The following NALF1 variants were observed in gnomAD, a reference collection of about 807,000 sequenced individuals.
NALF1 encodes NALCN channel auxiliary factor 1.
Under a neutral mutation model 48.4 loss-of-function variants are expected in NALF1, and 3 were observed. The observed-to-expected ratio is 0.06, with a 90% CI of 0.03 to 0.16. The LOEUF (loss-of-function observed/expected upper bound fraction) is 0.16, where lower values mean the gene tolerates loss of function less well. NALF1 is among the 10% of genes least tolerant of loss of function. NALF1 has a pLI of 1.00. For missense variants in NALF1, 526 were observed against 571.5 expected (o/e 0.92, Z 0.81); for synonymous variants, 262 against 245.7 (o/e 1.07, Z -0.62).
intron 1 of NALF1, among the ~76,000 whole-genome samples, chr13:107,807,304 T>A (rs2138602804): frequency 6.6e-6 from 1 of 152,334 alleles, no homozygotes; most frequent in South Asian, 2.1e-4. Flanking sequence ...CTGTCATGCA[T>A]TTTTGTATAA....
At chr13:107,706,870 A>G (rs1207308468) in intron 1 of NALF1, among the ~76,000 whole-genome samples, 1 of 152,012 alleles carries the variant, frequency 6.6e-6, no homozygotes, top group Non-Finnish European at 1.5e-5. Flanking sequence ...ATTGTTGAAA[A>G]CATATGGGGA....
At chr13:107,801,167 T>C (rs1878601093) in intron 1 of NALF1, among the ~76,000 whole-genome samples, 1 of 152,218 alleles carries the variant, frequency 6.6e-6, no homozygotes, top group South Asian at 2.1e-4. Flanking sequence ...AAGATGTTTG[T>C]TAGGGAAGTA....
intron 1 of NALF1, among the ~76,000 whole-genome samples, chr13:107,745,896 G>A (rs1454901302): frequency 1.3e-5 from 2 of 152,118 alleles, no homozygotes; most frequent in African/African-American, 4.8e-5. Flanking sequence ...TCAGCATTAA[G>A]ACAACTCATT....
intron 1 of NALF1, among the ~76,000 whole-genome samples, chr13:107,726,913 T>TTTTGTG (rs765487919): frequency 4.7e-5 from 6 of 126,400 alleles, no homozygotes; most frequent in Non-Finnish European, 8.1e-5. Flanking sequence ...CGGCAAATTC[T>TTTTGTG]TGTGTGTGTG....
Position 107,644,657 on chromosome 13 carries a change from A to ATATATATATATATATATATATG in NALF1, c.915+221024_915+221025insCATATATATATATATATATATA, listed in dbSNP as rs879682183. 1.4e-3 allele frequency among the ~76,000 whole-genome samples: 198 copies of ATATATATATATATATATATATG among 137,730 alleles called. No individual in the cohort carries two copies. The East Asian group carries it at 0.015, about 10-fold the overall frequency. 90.4% of individuals were successfully genotyped at this position (137,730 alleles called of 152,430 possible). ...TACATACATACATACATATATATAT[A>ATATATATATATATATATATATG]TATATATATGCTTTCACTTAAGTTG... is the stretch of plus-strand genomic sequence containing the variant. On this transcript the variant is annotated intron_variant, in intron 1 of 2. Coordinates refer to ENST00000375915, the MANE Select transcript of NALF1 (RefSeq NM_001080396.3).
chr13:107,333,288 T>A (rs1270577591), intron 1 of NALF1, among the ~76,000 whole-genome samples: 3 of 152,126 alleles, frequency 2.0e-5, no homozygotes, highest in Non-Finnish European at 4.4e-5. Flanking sequence ...GTAAGCCACA[T>A]CACAGAATTC....
chr13:107,217,106 T>C (rs1879889481), intron 1 of NALF1, among the ~76,000 whole-genome samples: 1 of 152,202 alleles, frequency 6.6e-6, no homozygotes, highest in Non-Finnish European at 1.5e-5. Flanking sequence ...TAACAGTCAA[T>C]ATCTTCCTTG....
intron 1 of NALF1, among the ~76,000 whole-genome samples, chr13:107,282,701 T>C (rs7988532): frequency 6.6e-6 from 1 of 152,188 alleles, no homozygotes; most frequent in East Asian, 1.9e-4. Flanking sequence ...CTGCGGCCTC[T>C]TGCCAACAGC....
chr13:107,492,231 G>A (rs1489434055), intron 1 of NALF1, among the ~76,000 whole-genome samples: 1 of 151,696 alleles, frequency 6.6e-6, no homozygotes, highest in African/African-American at 2.4e-5. Flanking sequence ...TGTATATTTA[G>A]TAGAGATGGG....
At chr13:107,279,644 T>C (rs765335744) in intron 1 of NALF1, among the ~76,000 whole-genome samples, 1 of 152,152 alleles carries the variant, frequency 6.6e-6, no homozygotes, top group African/African-American at 2.4e-5. Flanking sequence ...ATGTCCTATC[T>C]CTCTGTCTTC....
chr13:107,613,735 A>C (rs781674480), intron 1 of NALF1, among the ~76,000 whole-genome samples: 7 of 152,234 alleles, frequency 4.6e-5, no homozygotes, highest in Non-Finnish European at 8.8e-5. Flanking sequence ...CGCTTAGCAC[A>C]AAGTAACTAT....
chr13:107,689,347 A>G (rs959186258), intron 1 of NALF1, among the ~76,000 whole-genome samples: 2 of 152,096 alleles, frequency 1.3e-5, no homozygotes, highest in African/African-American at 2.4e-5. Context: ...CAGTTTTTAA[A>G]TAATTGATAT....
intron 1 of NALF1, among the ~76,000 whole-genome samples, chr13:107,793,217 G>A (rs1485096572): frequency 6.6e-6 from 1 of 152,156 alleles, no homozygotes; most frequent in Non-Finnish European, 1.5e-5. Context: ...ATTTCAACAG[G>A]ATAGCAGGGC....
At chr13:107,182,253 C>CGT (rs71204818) in intron 2 of NALF1, among the ~76,000 whole-genome samples, 4,990 of 143,806 alleles carry the variant, frequency 0.035, 251 homozygotes, top group African/African-American at 0.12. Context: ...TGTGTGTGTC[C>CGT]GTGTGTGTGT....
At chr13:107,639,379 C>CA (rs943384702) in intron 1 of NALF1, among the ~76,000 whole-genome samples, 8 of 152,134 alleles carry the variant, frequency 5.3e-5, no homozygotes, top group Non-Finnish European at 1.0e-4. Flanking sequence ...CCAAAAAAAA[C>CA]ACGATAGTTC....
intron 1 of NALF1, among the ~76,000 whole-genome samples, chr13:107,425,733 G>T (rs1341535637): frequency 6.6e-6 from 1 of 151,994 alleles, no homozygotes; most frequent in Non-Finnish European, 1.5e-5. Flanking sequence ...GAATATCTGG[G>T]TACTATGATA....
At chr13:107,651,396 T>C (rs1277721030) in intron 1 of NALF1, among the ~76,000 whole-genome samples, 2 of 152,238 alleles carry the variant, frequency 1.3e-5, no homozygotes, top group African/African-American at 4.8e-5. Context: ...GTTACCTTAT[T>C]TGAATAAATA....
Position 107,165,488 on chromosome 13 carries a change from A to G in NALF1, c.*5009T>C, listed in dbSNP as rs1290414836. On this transcript the variant is annotated 3_prime_UTR_variant, in exon 3 of 3. Transcript: ENST00000375915. ...ACCAGGTGATTTTCTTCTGAGTTTAATCTGAATGTCTTGTCTGTGGTAAAC... is the reference window on the plus strand; with the variant it reads ...ACCAGGTGATTTTCTTCTGAGTTTAGTCTGAATGTCTTGTCTGTGGTAAAC... 1.3e-5 allele frequency: 2 copies of G among 152,342 alleles called. No individual in the cohort carries two copies. Among genetic ancestry groups the G allele is most frequent in the East Asian group, 3.9e-4 (2 of 5,184 alleles). 9.4% of individuals were successfully genotyped at this position (152,342 alleles called of 1,614,324 possible).
chr13:107,552,911 G>C (rs1027026295), intron 1 of NALF1, among the ~76,000 whole-genome samples: 2 of 151,854 alleles, frequency 1.3e-5, no homozygotes, highest in Non-Finnish European at 2.9e-5. Flanking sequence ...ATTAAATAGA[G>C]CTTAAATGTA....
Sources: allele counts gnomAD v4.1 joint callset (sites outside exome capture counted in the v4.1 genomes callset), GRCh38; gene constraint gnomAD v4.1.1; transcripts MANE v1.5; gene names NCBI Gene and HGNC (gene_info 2026-07-23, HGNC 2026-07-21).